DCAF8: variants seen among roughly 807,000 people sequenced by gnomAD.
The protein encoded by DCAF8 is DDB1 and CUL4 associated factor 8.
Under a neutral mutation model 68.0 loss-of-function variants are expected in DCAF8, and 20 were observed. That is an observed-to-expected ratio of 0.29 (90% CI 0.21 to 0.43). DCAF8 has a LOEUF of 0.43. Ranked by LOEUF, DCAF8 falls within the 20% of genes least tolerant of loss-of-function variation. The probability of loss-of-function intolerance (pLI) is 1.00; values close to 1 mark genes in which losing one functional copy is unlikely to be tolerated. For synonymous variants in DCAF8, 230 were observed against 276.9 expected, an observed-to-expected ratio of 0.83 and a Z score of 1.68; for missense variants, 460 against 771.0, an observed-to-expected ratio of 0.60 and a Z score of 4.78.
rs1655464588 is a variant in DCAF8, at chr1:160,226,149, T to A, written c.1071-486A>T. The stretch of plus-strand genomic sequence containing the variant: ...GTGGTTTATCTCTCTCCTCAAGTTT[T>A]ATATCACATACTGCTACTTTTCACT... On this transcript the variant is annotated intron_variant, in intron 7 of 13. Coordinates refer to ENST00000368074, the MANE Select transcript of DCAF8 (RefSeq NM_015726.4). 2.6e-5 allele frequency among the ~76,000 whole-genome samples: 4 copies of A among 152,324 alleles called. No homozygotes were observed. The South Asian group carries it at 8.3e-4, about 32-fold the overall frequency.
At chr1:160,219,072 G>A (rs1655214547) in intron 11 of DCAF8, 104 bp from the exon 12 acceptor site, 1 of 1,502,672 alleles carries the variant, frequency 6.7e-7, no homozygotes, top group Non-Finnish European at 9.0e-7. Context: ...TCAGGGCTGA[G>A]GCAGCTGCTG....
At chr1:160,219,739 C>T (rs1285541425) in intron 11 of DCAF8, 1 of 152,172 alleles carries the variant, frequency 6.6e-6, no homozygotes, top group African/African-American at 2.4e-5. Context: ...GCTTAGGCAG[C>T]TTCCTTCTGT....
intron 6 of DCAF8, among the ~76,000 whole-genome samples, chr1:160,236,377 T>C (rs975348280): frequency 2.6e-5 from 4 of 151,700 alleles, no homozygotes; most frequent in Admixed American, 1.3e-4. Flanking sequence ...TAAACATATA[T>C]GTGTGTGTAT....
At chr1:160,262,191 T>TCCC in intron 1 of DCAF8, 1 of 396,656 alleles carries the variant, frequency 2.5e-6, no homozygotes, top group East Asian at 3.6e-5. Context: ...CGCTAAGAGC[T>TCCC]TGGGATACGG....
chr1:160,223,160 A>G (rs1655353782), intron 10 of DCAF8, among the ~76,000 whole-genome samples: 2 of 152,210 alleles, frequency 1.3e-5, no homozygotes, highest in African/African-American at 4.8e-5. Flanking sequence ...TACCTTGTCA[A>G]TATTTCTGGG....
chr1:160,218,507 G>A, intron 12 of DCAF8, 67 bp from the exon 13 acceptor site: 1 of 1,171,354 alleles, frequency 8.5e-7, no homozygotes, highest in Non-Finnish European at 1.3e-6. Flanking sequence ...GATCAAGAAG[G>A]CTGATCTCCT....
chr1:160,238,453 T>C (rs930047183), intron 5 of DCAF8, among the ~76,000 whole-genome samples, 154 bp downstream of exon 5: 1 of 152,120 alleles, frequency 6.6e-6, no homozygotes, highest in Non-Finnish European at 1.5e-5. Context: ...GGTGGCTGCT[T>C]TTGCTCCTTT....
chr1:160,256,398 G>A (rs1656836945), intron 2 of DCAF8, among the ~76,000 whole-genome samples: 2 of 152,144 alleles, frequency 1.3e-5, no homozygotes, highest in African/African-American at 4.8e-5. Flanking sequence ...ACCTCAAGAA[G>A]TGCCTTCCTA....
intron 10 of DCAF8, 111 bp downstream of exon 10, chr1:160,224,331 T>A: frequency 1.3e-6 from 1 of 757,334 alleles, no homozygotes; most frequent in East Asian, 2.6e-5. Context: ...AATCCCTCAG[T>A]GCCCATGGCA....
chr1:160,231,929 G>A (rs1486325561), intron 6 of DCAF8, among the ~76,000 whole-genome samples: 1 of 152,204 alleles, frequency 6.6e-6, no homozygotes, highest in Non-Finnish European at 1.5e-5. Context: ...GGTGGCTCAT[G>A]CCTGTAATCC....
chr1:160,231,675 T>C (rs1655691820), intron 6 of DCAF8, among the ~76,000 whole-genome samples: 1 of 152,204 alleles, frequency 6.6e-6, no homozygotes, highest in Non-Finnish European at 1.5e-5. Flanking sequence ...AAACTAAAGG[T>C]ATATGAATGT....
intron 7 of DCAF8, among the ~76,000 whole-genome samples, chr1:160,229,250 C>T (rs1040791207): frequency 1.1e-4 from 16 of 151,644 alleles, no homozygotes; most frequent in African/African-American, 3.6e-4. Flanking sequence ...GAGCCGAGAT[C>T]GAGCCACTAC....
At position 160,240,007 on chromosome 1, in the gene DCAF8, T is replaced by G; in HGVS notation, c.413A>C (p.Asp138Ala). The change falls in exon 4 of 14, where the codon GAC becomes GCC. Residue 138 changes from aspartate (D) to alanine (A), a missense_variant. Asp to Ala is a moderately radical substitution (Grantham distance 126, BLOSUM62 -2). Around this residue, in one of 8 missense-constraint regions of DCAF8, gnomAD observed 156 missense variants for 181.4 expected, o/e 0.86. Coordinates refer to ENST00000368074, the MANE Select transcript of DCAF8 (RefSeq NM_015726.4). ...AGCTGATGTTTCTGAGGACACCCAG[T>G]CCTCTAGGGCCCGCTCATCATCTGA... ...DSSDDERALE[D>A]WVSSETSALP... is the part of the protein sequence containing the mutation. 3 of 1,614,218 alleles carry G rather than the reference T, an allele frequency of 1.9e-6. No individual in the cohort carries two copies. Among genetic ancestry groups the G allele is most frequent in the Non-Finnish European group, 1.7e-6 (2 of 1,180,044 alleles).
chr1:160,262,218 G>A (rs1657127067), intron 1 of DCAF8: 4 of 397,858 alleles, frequency 1.0e-5, no homozygotes, highest in Non-Finnish European at 1.8e-5. Flanking sequence ...CCCATCCTTA[G>A]GGGAAACCGG....
chr1:160,244,317 G>A (rs552292141), intron 2 of DCAF8, among the ~76,000 whole-genome samples: 3 of 152,238 alleles, frequency 2.0e-5, no homozygotes, highest in South Asian at 4.1e-4. Context: ...TGCGAAAGTG[G>A]GAACTAAAAT....
rs2101710111 is a variant in DCAF8, at chr1:160,217,450, CCTT to C, written c.*139_*141del. Reference sequence around the variant, plus strand: ...TTGTTGGTTCACTCCTCTGGTTTGTCCTTCTCCTGGGATGTCTTTCTTTTATCT... The same window carrying C: ...TTGTTGGTTCACTCCTCTGGTTTGTCCTCCTGGGATGTCTTTCTTTTATCT... On this transcript the variant is annotated 3_prime_UTR_variant, in exon 14 of 14. Transcript: ENST00000368074. 1.7e-6 allele frequency: 1 copy of C among 601,708 alleles called. No homozygotes were observed. The highest frequency in any genetic ancestry group is 1.9e-5 in the African/African-American group (1 of 54,038). 37.3% of individuals were successfully genotyped at this position (601,708 alleles called of 1,614,324 possible). A position where few individuals can be genotyped will look rare whatever the true frequency, so the allele number is the denominator to read the frequency against.
At chr1:160,246,723 T>C (rs1242134264) in intron 2 of DCAF8, among the ~76,000 whole-genome samples, 1 of 151,942 alleles carries the variant, frequency 6.6e-6, no homozygotes, top group Non-Finnish European at 1.5e-5. Context: ...AGCTCACGCC[T>C]ATAATCCCAG....
chr1:160,244,746 T>C (rs1202320307), intron 2 of DCAF8, among the ~76,000 whole-genome samples: 1 of 151,980 alleles, frequency 6.6e-6, no homozygotes, highest in Non-Finnish European at 1.5e-5. Flanking sequence ...GCCTCCCAAG[T>C]AGCTGGGACT....
chr1:160,225,449 G>T, intron 8 of DCAF8, 142 bp downstream of exon 8: 1 of 660,594 alleles, frequency 1.5e-6, no homozygotes. Flanking sequence ...AGATCACAAA[G>T]CTGGTAAGTG....
Sources: allele counts gnomAD v4.1 joint callset (sites outside exome capture counted in the v4.1 genomes callset), GRCh38; gene constraint gnomAD v4.1.1; regional missense constraint gnomAD v4.1.1; transcripts MANE v1.5; gene names NCBI Gene and HGNC (gene_info 2026-07-23, HGNC 2026-07-21).